Variants in AGBL4 observed in about 807,000 individuals in gnomAD.
The protein encoded by AGBL4 is cytosolic carboxypeptidase 6.
In AGBL4, 58 loss-of-function variants were observed where a neutral mutation model predicts 66.4. The ratio of observed to expected loss-of-function variants is 0.87; its 90% CI spans 0.71 to 1.09. The LOEUF (loss-of-function observed/expected upper bound fraction) is 1.09. Ranked by LOEUF, AGBL4 falls within the 50% of genes least tolerant of loss-of-function variation. The pLI is 0.00. For missense variants in AGBL4, 579 were observed against 631.0 expected (o/e 0.92, Z 0.88); for synonymous variants, 234 against 222.9 (o/e 1.05, Z -0.44).
chr1:48,631,940 A>T (rs1248518954), intron 9 of AGBL4, among the ~76,000 whole-genome samples: 3 of 152,216 alleles, frequency 2.0e-5, no homozygotes, highest in Non-Finnish European at 4.4e-5. Context: ...CCCCTGACAT[A>T]TCTTATAAAT....
chr1:49,043,589 C>T (rs1010723582), intron 5 of AGBL4, among the ~76,000 whole-genome samples: 5 of 152,152 alleles, frequency 3.3e-5, no homozygotes, highest in African/African-American at 1.2e-4. Flanking sequence ...ATTAAACCTT[C>T]CTTAAATTAT....
intron 2 of AGBL4, among the ~76,000 whole-genome samples, chr1:49,750,494 G>A (rs1465628317): frequency 1.3e-5 from 2 of 152,180 alleles, no homozygotes; most frequent in African/African-American, 4.8e-5. Flanking sequence ...GGTTACTGTA[G>A]TCTTGCAGTA....
At chr1:49,822,184 A>G (rs1645386651) in intron 2 of AGBL4, among the ~76,000 whole-genome samples, 1 of 152,238 alleles carries the variant, frequency 6.6e-6, no homozygotes, top group Non-Finnish European at 1.5e-5. Flanking sequence ...ATAAAGACAG[A>G]TGATAAGACA....
At chr1:49,222,611 T>C (rs972408418) in intron 4 of AGBL4, among the ~76,000 whole-genome samples, 1 of 152,174 alleles carries the variant, frequency 6.6e-6, no homozygotes, top group African/African-American at 2.4e-5. Context: ...TAAGATTGTT[T>C]TTTCTGGTTT....
chr1:49,724,713 G>C (rs573172422), intron 2 of AGBL4, among the ~76,000 whole-genome samples: 193 of 152,200 alleles, frequency 1.3e-3, no homozygotes, highest in Non-Finnish European at 2.1e-3. Flanking sequence ...GGTTATAAGG[G>C]TGGGGCTCTG....
At chr1:49,464,404 T>C (rs527496514) in intron 3 of AGBL4, among the ~76,000 whole-genome samples, 1 of 151,842 alleles carries the variant, frequency 6.6e-6, no homozygotes, top group East Asian at 2.0e-4. Flanking sequence ...AAGATGAGGG[T>C]AGGAACTTTG....
intron 3 of AGBL4, among the ~76,000 whole-genome samples, chr1:49,641,925 T>C (rs752286335): frequency 2.4e-4 from 37 of 152,038 alleles, no homozygotes; most frequent in Non-Finnish European, 4.6e-4. Flanking sequence ...TGTGATGGCA[T>C]GTTGAACCCA....
At chr1:48,670,445 T>C (rs971675204) in intron 6 of AGBL4, among the ~76,000 whole-genome samples, 1 of 152,190 alleles carries the variant, frequency 6.6e-6, no homozygotes, top group African/African-American at 2.4e-5. Flanking sequence ...ACCTGGAAAG[T>C]AGCCAGTGGA....
At chr1:48,543,291 G>A (rs368757375) in intron 11 of AGBL4, among the ~76,000 whole-genome samples, 1 of 152,000 alleles carries the variant, frequency 6.6e-6, no homozygotes, top group African/African-American at 2.4e-5. Context: ...AGTGGAGAAG[G>A]ACCATTCTCA....
intron 3 of AGBL4, among the ~76,000 whole-genome samples, chr1:49,612,988 C>A (rs981531952): frequency 1.3e-5 from 2 of 152,100 alleles, no homozygotes; most frequent in African/African-American, 2.4e-5. Context: ...AACTTAGATG[C>A]CCATCAGTGG....
chr1:49,289,314 G>A (rs1354515698), intron 3 of AGBL4, among the ~76,000 whole-genome samples: 2 of 152,148 alleles, frequency 1.3e-5, no homozygotes, highest in South Asian at 4.1e-4. Flanking sequence ...GGCATACTAT[G>A]CAGTAATGAA....
At chr1:48,781,344 G>A (rs1420838312) in intron 6 of AGBL4, among the ~76,000 whole-genome samples, 3 of 152,204 alleles carry the variant, frequency 2.0e-5, no homozygotes, top group Non-Finnish European at 4.4e-5. Flanking sequence ...TGCTTCCTGT[G>A]TGACTCACAC....
intron 3 of AGBL4, among the ~76,000 whole-genome samples, chr1:49,639,111 T>C (rs1571226319): frequency 1.3e-5 from 2 of 152,240 alleles, no homozygotes; most frequent in Non-Finnish European, 2.9e-5. Flanking sequence ...GGATTCAGAA[T>C]GGAAACACAT....
At position 49,745,343 on chromosome 1, in the gene AGBL4, G is replaced by T. The variant is rs372728631; in HGVS notation, c.158-47906C>A. On this transcript the variant is annotated intron_variant, in intron 2 of 13. Transcript: ENST00000371839. ...ACACTAAGCTATTTTGAGACAGAGA[G>T]AGATACCACAATCACACAACTTTTA... 3.4e-4 allele frequency among the ~76,000 whole-genome samples: 52 copies of T among 152,102 alleles called. 1 individual carries two copies. In the South Asian group the frequency reaches 9.5e-3, roughly 28 times the overall value.
At chr1:49,350,463 A>G (rs1645730894) in intron 3 of AGBL4, among the ~76,000 whole-genome samples, 1 of 152,136 alleles carries the variant, frequency 6.6e-6, no homozygotes, top group South Asian at 2.1e-4. Flanking sequence ...TCGGCCTCCC[A>G]AAGTGCTGGG....
At chr1:49,227,327 C>A (rs1015019948) in intron 4 of AGBL4, among the ~76,000 whole-genome samples, 3 of 152,144 alleles carry the variant, frequency 2.0e-5, no homozygotes, top group African/African-American at 4.8e-5. Context: ...ATAGGATGAA[C>A]AAAACGATTT....
intron 1 of AGBL4, among the ~76,000 whole-genome samples, chr1:49,869,725 C>T (rs944239953): frequency 6.6e-6 from 1 of 152,116 alleles, no homozygotes; most frequent in African/African-American, 2.4e-5. Context: ...CAAACCCGCA[C>T]ATCTTCACAT....
intron 1 of AGBL4, among the ~76,000 whole-genome samples, chr1:49,868,358 C>T (rs907512004): frequency 9.9e-5 from 15 of 152,120 alleles, no homozygotes; most frequent in African/African-American, 2.7e-4. Context: ...GGAGGCATCA[C>T]GCTACCTGAC....
At chr1:48,829,902 C>T (rs1271170765) in intron 6 of AGBL4, among the ~76,000 whole-genome samples, 1 of 151,808 alleles carries the variant, frequency 6.6e-6, no homozygotes, top group African/African-American at 2.4e-5. Context: ...AAACTATTAA[C>T]ATGTGGGGTT....
Sources: allele counts gnomAD v4.1 joint callset (sites outside exome capture counted in the v4.1 genomes callset), GRCh38; gene constraint gnomAD v4.1.1; transcripts MANE v1.5; gene names NCBI Gene and HGNC (gene_info 2026-07-23, HGNC 2026-07-21).